The following RIMBP2 variants were observed in gnomAD, a reference collection of about 807,000 sequenced individuals.
The protein encoded by RIMBP2 is RIMS binding protein 2, also known as RIMS-binding protein 2.
A neutral mutation model predicts 118.6 loss-of-function variants in RIMBP2; 48 were observed. The ratio of observed to expected loss-of-function variants is 0.40; its 90% CI spans 0.32 to 0.51. RIMBP2 has a LOEUF of 0.51. Among genes scored for constraint, RIMBP2 ranks in the 20% least tolerant of loss-of-function variants. The probability of loss-of-function intolerance (pLI) is 0.41; values close to 1 mark genes in which losing one functional copy is unlikely to be tolerated. For missense variants in RIMBP2, 1,551 were observed against 1,768.3 expected, an observed-to-expected ratio of 0.88 and a Z score of 2.20; for synonymous variants, 762 against 742.9, an observed-to-expected ratio of 1.03 and a Z score of -0.42.
At chr12:130,645,750 C>A (rs560087409) in intron 1 of RIMBP2, among the ~76,000 whole-genome samples, 2 of 152,314 alleles carry the variant, frequency 1.3e-5, no homozygotes, top group Non-Finnish European at 2.9e-5. Context: ...TCTTCCTTAT[C>A]GCTGGACTTT....
intron 2 of RIMBP2, among the ~76,000 whole-genome samples, chr12:130,600,037 A>C (rs1432873607): frequency 6.6e-6 from 1 of 151,978 alleles, no homozygotes; most frequent in African/African-American, 2.4e-5. Context: ...GGGAGCCCCC[A>C]CTCTGCCTCC....
At chr12:130,411,273 A>C (rs1593202376) in intron 19 of RIMBP2, among the ~76,000 whole-genome samples, 1 of 152,276 alleles carries the variant, frequency 6.6e-6, no homozygotes, top group African/African-American at 2.4e-5. Context: ...AGATTTTCTA[A>C]GTAGATTTCC....
Position 130,525,937 on chromosome 12 carries a change from G to C in RIMBP2, c.-216-8020C>G, listed in dbSNP as rs1452095431. ...GCGAGCAGCCTCCCCCGAGCATGTGGAGGGGTGGGACTCAAGCCCGGGCTG... is the reference window on the plus strand; with the variant it reads ...GCGAGCAGCCTCCCCCGAGCATGTGCAGGGGTGGGACTCAAGCCCGGGCTG... On this transcript the variant is annotated intron_variant, in intron 2 of 22. Coordinates refer to ENST00000690449, the MANE Select transcript of RIMBP2 (RefSeq NM_001393629.1). This position sits in a 1 kb window ranked among gnomAD's most constrained non-coding sequence, Gnocchi z 4.4. Among the ~76,000 whole-genome samples, 1 of 152,116 alleles carries C rather than the reference G, an allele frequency of 6.6e-6. No individual in the cohort carries two copies. The highest frequency in any genetic ancestry group is 1.5e-5 in the Non-Finnish European group (1 of 68,032).
intron 1 of RIMBP2, among the ~76,000 whole-genome samples, chr12:130,655,798 C>T (rs2063403300): frequency 6.6e-6 from 1 of 152,198 alleles, no homozygotes; most frequent in African/African-American, 2.4e-5. Flanking sequence ...CATCTTGAAG[C>T]CAGCCAGAAT....
rs1035506241 is a variant in RIMBP2, at chr12:130,699,924, A to G, written c.-352+16298T>C. Among the ~76,000 whole-genome samples, 20 of 150,872 alleles carry G rather than the reference A, an allele frequency of 1.3e-4. No individual in the cohort carries two copies. The East Asian group carries it at 2.1e-3, about 16-fold the overall frequency. On this transcript the variant is annotated intron_variant, in intron 1 of 22. Transcript: ENST00000690449. ...TGTCTTAAAAAAAAAAAAAAAAAAA[A>G]AAAAAGAAATACAGGTTTTATATTA... is the stretch of plus-strand genomic sequence containing the variant.
intron 2 of RIMBP2, among the ~76,000 whole-genome samples, chr12:130,615,054 C>CAT (rs1442367886): frequency 1.4e-5 from 2 of 147,668 alleles, no homozygotes; most frequent in East Asian, 2.0e-4. Flanking sequence ...TATAAATACA[C>CAT]ATGTATATTT....
intron 1 of RIMBP2, among the ~76,000 whole-genome samples, chr12:130,689,797 A>G (rs1470744863): frequency 6.6e-6 from 1 of 152,172 alleles, no homozygotes; most frequent in Non-Finnish European, 1.5e-5. Context: ...ATCGTACCAA[A>G]TGATCACAGA....
chr12:130,482,818 TG>T lies in RIMBP2; in HGVS notation c.-3-3803del, dbSNP rs1470895817. On this transcript the variant is annotated intron_variant, in intron 4 of 22. Coordinates refer to ENST00000690449, the MANE Select transcript of RIMBP2 (RefSeq NM_001393629.1). ...CCAATACACCCATTGTGTGTGTACATGTGTCAGATTCTGCAGGGGAGGGGGC... is the reference window on the plus strand; with the variant it reads ...CCAATACACCCATTGTGTGTGTACATTGTCAGATTCTGCAGGGGAGGGGGC... Among the ~76,000 whole-genome samples, 8 of 142,170 alleles carry T rather than the reference TG, an allele frequency of 5.6e-5. No homozygotes were observed. In the East Asian group the frequency reaches 1.8e-3, roughly 31 times the overall value. The allele number at this position is 142,170 out of a possible 152,430, so 93.3% of individuals were successfully genotyped here.
intron 1 of RIMBP2, chr12:130,658,159 G>C (rs1174043672): frequency 6.6e-6 from 1 of 152,278 alleles, no homozygotes; most frequent in African/African-American, 2.4e-5. Context: ...TGACCGGAAG[G>C]CCACGGCTTC....
chr12:130,664,836 T>C (rs963993545), intron 1 of RIMBP2, among the ~76,000 whole-genome samples: 2 of 151,706 alleles, frequency 1.3e-5, no homozygotes, highest in South Asian at 2.1e-4. Context: ...CATCAGTCCA[T>C]ACTGATATAA....
chr12:130,572,134 T>C (rs1566284734), intron 2 of RIMBP2, among the ~76,000 whole-genome samples: 3 of 113,248 alleles, frequency 2.6e-5, no homozygotes, highest in African/African-American at 2.7e-5. Flanking sequence ...TGAAACAGCA[T>C]GGCCAGGAGT....
chr12:130,710,670 C>T lies in RIMBP2; in HGVS notation c.-352+5552G>A, dbSNP rs571735495. Among the ~76,000 whole-genome samples, 1 of 152,224 alleles carries T rather than the reference C, an allele frequency of 6.6e-6. No homozygotes were observed. Among genetic ancestry groups the T allele is most frequent in the East Asian group, 1.9e-4 (1 of 5,190 alleles). On this transcript the variant is annotated intron_variant, in intron 1 of 22. Transcript: ENST00000690449. This position sits in a 1 kb window ranked among gnomAD's most constrained non-coding sequence, Gnocchi z 4.3. ...TCCCCCGCCCCAGGCTCAGCACCAA[C>T]AGGAAGGACCTGTCCACACAGCTAG...
intron 16 of RIMBP2, among the ~76,000 whole-genome samples, chr12:130,423,656 C>CAAAA (rs36000671): frequency 2.8e-4 from 14 of 50,104 alleles, no homozygotes; most frequent in East Asian, 1.8e-3. Flanking sequence ...AAACAATATG[C>CAAAA]AAAAAAAAAA....
At position 130,414,307 on chromosome 12, in the gene RIMBP2, C is replaced by T; in HGVS notation, c.3239-1G>A. On this transcript the variant is annotated splice_acceptor_variant, in intron 17 of 22. Transcript: ENST00000690449. LOFTEE classifies it high-confidence loss of function. ...GAAAGGCGGTCTCGCCCGTAATCGTCTGCGAGCAAGTGGGGGTGAAGAACA... is the reference window on the plus strand; with the variant it reads ...GAAAGGCGGTCTCGCCCGTAATCGTTTGCGAGCAAGTGGGGGTGAAGAACA... 1 of 1,577,648 alleles carries T rather than the reference C, an allele frequency of 6.3e-7. No individual in the cohort carries two copies. The highest frequency in any genetic ancestry group is 1.3e-5 in the African/African-American group (1 of 74,166).
At chr12:130,609,011 A>T (rs1285448808) in intron 2 of RIMBP2, among the ~76,000 whole-genome samples, 2 of 152,112 alleles carry the variant, frequency 1.3e-5, no homozygotes, top group Non-Finnish European at 2.9e-5. Context: ...GCCATGTATG[A>T]GTGAGGTCAT....
In RIMBP2 at chr12:130,525,634, ACAC is replaced by A; in HGVS notation, c.-216-7720_-216-7718del. Among the ~76,000 whole-genome samples the A allele has an allele frequency of 6.6e-6, 1 of 152,060 alleles. No homozygotes were observed. The highest frequency in any genetic ancestry group is 1.5e-5 in the Non-Finnish European group (1 of 68,014). On this transcript the variant is annotated intron_variant, in intron 2 of 22. Coordinates refer to ENST00000690449, the MANE Select transcript of RIMBP2 (RefSeq NM_001393629.1). This position sits in a 1 kb window ranked among gnomAD's most constrained non-coding sequence, Gnocchi z 4.4. ...TGGGGGCATTGGCAGGTGCAGATGG[ACAC>A]ATGGGGAAGGCATGAGGGCAGCAGA... is the stretch of plus-strand genomic sequence containing the variant.
chr12:130,497,098 G>A (rs2048778), intron 4 of RIMBP2, among the ~76,000 whole-genome samples: 143,922 of 152,220 alleles, frequency 0.95, 68,112 homozygotes, highest in Non-Finnish European at 0.97. Flanking sequence ...CTCCCTGAGC[G>A]TCTGTGTCTC....
At chr12:130,660,680 C>G (rs999401803) in intron 1 of RIMBP2, 9 of 152,220 alleles carry the variant, frequency 5.9e-5, no homozygotes, top group Admixed American at 2.0e-4. Context: ...CCTGCGCCCC[C>G]ACCCCAGGTT....
rs766560195 is a variant in RIMBP2, at chr12:130,534,922, G to C, written c.-216-17005C>G. Among the ~76,000 whole-genome samples the C allele has an allele frequency of 1.4e-4, 21 of 152,214 alleles. 1 individual carries two copies. The highest frequency in any genetic ancestry group is 7.9e-4 in the Admixed American group (12 of 15,286). ...TAGCTGTGGTCCATGAGGAACATGG[G>C]CCACCACTATTGGGGCCACTATTAT... On this transcript the variant is annotated intron_variant, in intron 2 of 22. Coordinates refer to ENST00000690449, the MANE Select transcript of RIMBP2 (RefSeq NM_001393629.1).
Sources: allele counts gnomAD v4.1 joint callset (sites outside exome capture counted in the v4.1 genomes callset), GRCh38; gene constraint gnomAD v4.1.1; non-coding constraint Gnocchi (gnomAD v3.1); transcripts MANE v1.5; gene names NCBI Gene and HGNC (gene_info 2026-07-23, HGNC 2026-07-21).